Variants in EXOC4 observed in about 807,000 individuals in gnomAD.
The protein encoded by EXOC4 is SEC8-like 1.
EXOC4 carries 71 observed loss-of-function variants against 107.2 expected under a neutral mutation model. The observed-to-expected ratio is 0.66, with a 90% CI of 0.55 to 0.81. EXOC4 has a LOEUF of 0.81. Among genes scored for constraint, EXOC4 ranks in the 30% least tolerant of loss-of-function variants. The pLI is 0.00. For missense variants in EXOC4, 1,108 were observed against 1,189.6 expected, an observed-to-expected ratio of 0.93 and a Z score of 1.01; for synonymous variants, 456 against 441.2, an observed-to-expected ratio of 1.03 and a Z score of -0.42.
intron 7 of EXOC4, among the ~76,000 whole-genome samples, chr7:133,390,039 C>T (rs1796817820): frequency 6.6e-6 from 1 of 152,094 alleles, no homozygotes; most frequent in Non-Finnish European, 1.5e-5. Flanking sequence ...CTTCCCACAA[C>T]ACGTGGGAAT....
chr7:133,740,214 T>C (rs1795536444), intron 10 of EXOC4, among the ~76,000 whole-genome samples: 1 of 152,146 alleles, frequency 6.6e-6, no homozygotes, highest in Admixed American at 6.6e-5. Flanking sequence ...AAAAAAATAA[T>C]GTTAGAACTT....
intron 5 of EXOC4, among the ~76,000 whole-genome samples, chr7:133,343,453 T>A (rs1320180700): frequency 1.3e-5 from 2 of 152,116 alleles, no homozygotes; most frequent in Admixed American, 1.3e-4. Context: ...ATTTTTGTAT[T>A]TTTTGTAGAA....
intron 9 of EXOC4, among the ~76,000 whole-genome samples, chr7:133,579,171 C>T (rs1201070380): frequency 6.6e-6 from 1 of 152,010 alleles, no homozygotes; most frequent in Non-Finnish European, 1.5e-5. Flanking sequence ...TATACTGATA[C>T]TTTAGTTTTA....
At chr7:133,634,639 G>A (rs1488178979) in intron 10 of EXOC4, among the ~76,000 whole-genome samples, 3 of 152,066 alleles carry the variant, frequency 2.0e-5, no homozygotes, top group African/African-American at 4.8e-5. Context: ...ACAGGCATGC[G>A]CCACCATGCC....
At chr7:133,275,511 T>G (rs1481899361) in intron 2 of EXOC4, among the ~76,000 whole-genome samples, 3 of 152,188 alleles carry the variant, frequency 2.0e-5, no homozygotes, top group African/African-American at 7.2e-5. Context: ...TCCATTCTCA[T>G]TCTAGCAGTT....
intron 17 of EXOC4, chr7:134,009,795 T>C (rs1391074272): frequency 3.3e-5 from 5 of 152,198 alleles, no homozygotes; most frequent in Admixed American, 2.0e-4. Context: ...TGATTTTTTT[T>C]ATTTAGCTGA....
chr7:133,459,242 G>A (rs144494520), intron 7 of EXOC4, among the ~76,000 whole-genome samples: 2 of 152,260 alleles, frequency 1.3e-5, no homozygotes, highest in Non-Finnish European at 2.9e-5. Flanking sequence ...GAATGGTAGG[G>A]TAGAGCTGAG....
intron 8 of EXOC4, 120 bp from the exon 9 acceptor site, chr7:133,479,930 T>C (rs998320170): frequency 4.8e-6 from 4 of 828,716 alleles, no homozygotes; most frequent in Non-Finnish European, 6.1e-6. Context: ...CCAAAGTGTC[T>C]TCATCACGGA....
intron 7 of EXOC4, among the ~76,000 whole-genome samples, chr7:133,410,252 T>C (rs1458428052): frequency 2.6e-5 from 4 of 152,178 alleles, no homozygotes; most frequent in Non-Finnish European, 5.9e-5. Context: ...TCAAGACTTA[T>C]ATCTCACAGG....
At chr7:133,674,607 A>T (rs1187028015) in intron 10 of EXOC4, among the ~76,000 whole-genome samples, 1 of 152,146 alleles carries the variant, frequency 6.6e-6, no homozygotes, top group Non-Finnish European at 1.5e-5. Flanking sequence ...TATTGCTGTC[A>T]TATTACAATG....
At chr7:133,295,318 C>T (rs1794494069) in intron 3 of EXOC4, among the ~76,000 whole-genome samples, 1 of 152,092 alleles carries the variant, frequency 6.6e-6, no homozygotes, top group African/African-American at 2.4e-5. Context: ...CTAGTCTTCT[C>T]TAACAATTCT....
chr7:133,898,892 C>T (rs958631967), intron 12 of EXOC4, among the ~76,000 whole-genome samples: 54 of 151,590 alleles, frequency 3.6e-4, no homozygotes, highest in African/African-American at 1.1e-3. Flanking sequence ...GCAGGAGAAT[C>T]GCTTGAACCT....
At chr7:133,791,100 G>C (rs931543318) in intron 10 of EXOC4, among the ~76,000 whole-genome samples, 6 of 152,148 alleles carry the variant, frequency 3.9e-5, no homozygotes, top group Non-Finnish European at 8.8e-5. Context: ...GACTGATATT[G>C]AACAATGGAT....
the EXOC4 span, among the ~76,000 whole-genome samples, chr7:134,078,048 G>A: frequency 1.3e-5 from 2 of 152,172 alleles, no homozygotes; most frequent in African/African-American, 4.8e-5. Flanking sequence ...CTGCCTCTGG[G>A]ACAAGTCAGC....
chr7:133,839,729 G>A (rs1008465625), intron 11 of EXOC4, among the ~76,000 whole-genome samples: 2 of 152,160 alleles, frequency 1.3e-5, no homozygotes, highest in African/African-American at 4.8e-5. Flanking sequence ...AGACCACTAT[G>A]TTAGTTTCAT....
chr7:134,040,566 C>T (rs145638917), intron 17 of EXOC4, among the ~76,000 whole-genome samples: 147 of 152,076 alleles, frequency 9.7e-4, no homozygotes, highest in African/African-American at 2.9e-3. Context: ...AAGCACATGG[C>T]GTAAAACAGA....
At chr7:133,357,239 CACTT>C (rs1443916067) in intron 6 of EXOC4, among the ~76,000 whole-genome samples, 3 of 152,184 alleles carry the variant, frequency 2.0e-5, no homozygotes, top group Non-Finnish European at 2.9e-5. Flanking sequence ...TATATTATCT[CACTT>C]AATTATCACT....
At chr7:134,012,897 T>C (rs1794805427) in intron 17 of EXOC4, among the ~76,000 whole-genome samples, 1 of 152,218 alleles carries the variant, frequency 6.6e-6, no homozygotes, top group African/African-American at 2.4e-5. Flanking sequence ...GGAAGTGTTT[T>C]AAGAGAAGTG....
At chr7:133,352,489 G>A (rs1469013789) in intron 5 of EXOC4, among the ~76,000 whole-genome samples, 2 of 151,682 alleles carry the variant, frequency 1.3e-5, no homozygotes, top group Non-Finnish European at 2.9e-5. Context: ...CTGTTTTCAT[G>A]GAATATCTTT....
Sources: allele counts gnomAD v4.1 joint callset (sites outside exome capture counted in the v4.1 genomes callset), GRCh38; gene constraint gnomAD v4.1.1; transcripts MANE v1.5; gene names NCBI Gene and HGNC (gene_info 2026-07-23, HGNC 2026-07-21).